The following CACNA2D4 variants were observed in gnomAD, a reference collection of about 807,000 sequenced individuals.
CACNA2D4 encodes calcium voltage-gated channel auxiliary subunit alpha2delta 4.
Under a neutral mutation model 163.8 loss-of-function variants are expected in CACNA2D4, and 157 were observed. The observed-to-expected ratio is 0.96, with a 90% CI of 0.84 to 1.09. CACNA2D4 has a LOEUF of 1.09. Among genes scored for constraint, CACNA2D4 ranks in the 50% least tolerant of loss-of-function variants. The probability of loss-of-function intolerance (pLI) is 0.00; values close to 1 mark genes in which losing one functional copy is unlikely to be tolerated. For missense variants in CACNA2D4, 1,410 were observed against 1,479.9 expected (o/e 0.95, Z 0.78); for synonymous variants, 598 against 586.9 (o/e 1.02, Z -0.27).
intron 24 of CACNA2D4, among the ~76,000 whole-genome samples, chr12:1,845,392 G>T (rs1224153511): frequency 6.8e-6 from 1 of 147,560 alleles, no homozygotes; most frequent in Non-Finnish European, 1.5e-5. Flanking sequence ...TGGGTGGGGG[G>T]GAGGAGGGGA....
At chr12:1,848,170 G>T (rs1239577313) in intron 23 of CACNA2D4, among the ~76,000 whole-genome samples, 1 of 152,182 alleles carries the variant, frequency 6.6e-6, no homozygotes, top group Non-Finnish European at 1.5e-5. Context: ...CATCACCCCG[G>T]AAAGAAACCC....
chr12:1,878,924 G>A lies in CACNA2D4; in HGVS notation c.1644+32C>T. On this transcript the variant is annotated intron_variant, in intron 15 of 37. Coordinates refer to ENST00000382722, the MANE Select transcript of CACNA2D4 (RefSeq NM_172364.5). The surrounding 1 kb of genome is among the most constrained non-coding windows in gnomAD (Gnocchi z 4.6). ...GAGGGAGTTTGCTCCTGGGGAACCT[G>A]TGATCCCCACAGGGAACAGACCCAG... 1 of 1,584,456 alleles carries A rather than the reference G, an allele frequency of 6.3e-7. No homozygotes were observed. The highest frequency in any genetic ancestry group is 8.7e-7 in the Non-Finnish European group (1 of 1,154,558).
At chr12:1,809,141 GCCCTCTTTC>G (rs1863630876) in intron 29 of CACNA2D4, among the ~76,000 whole-genome samples, 1 of 152,184 alleles carries the variant, frequency 6.6e-6, no homozygotes, top group Admixed American at 6.5e-5. Context: ...GTCCTCACTT[GCCCTCTTTC>G]CCAAGTCTCC....
intron 24 of CACNA2D4, 147 bp downstream of exon 24, chr12:1,846,447 C>T (rs1592707313): frequency 3.1e-6 from 2 of 646,234 alleles, no homozygotes; most frequent in East Asian, 5.5e-5. Flanking sequence ...TCTGTCAATC[C>T]CGATCCTTCT....
Position 1,887,052 on chromosome 12 carries a change from CA to C in CACNA2D4, c.798del (p.Asp267MetfsTer26). On this transcript the variant is annotated frameshift_variant, in exon 7 of 38. Transcript: ENST00000382722. LOFTEE classifies it high-confidence loss of function. ...FRIYPGIKWT[P>X]DENGVITFDC... ...TCAAAAGTAATGACTCCATTCTCAT[CA>C]GGTGTCCATTTTATACCTGGGAGAA... 6.3e-7 allele frequency: 1 copy of C among 1,592,320 alleles called. No homozygotes were observed. The highest frequency in any genetic ancestry group is 1.1e-5 in the South Asian group (1 of 87,762).
intron 29 of CACNA2D4, among the ~76,000 whole-genome samples, chr12:1,807,192 G>T (rs1863568135): frequency 6.6e-6 from 1 of 151,932 alleles, no homozygotes; most frequent in Non-Finnish European, 1.5e-5. Flanking sequence ...TTTGAGCTGT[G>T]AGCTGCACTG....
chr12:1,854,367 C>T (rs1462371855), intron 22 of CACNA2D4, among the ~76,000 whole-genome samples: 1 of 152,194 alleles, frequency 6.6e-6, no homozygotes, highest in Non-Finnish European at 1.5e-5. Context: ...GCTTCTTAAC[C>T]ATCCAGACAC....
chr12:1,903,124 C>G (rs568246454), intron 6 of CACNA2D4, among the ~76,000 whole-genome samples: 4 of 152,162 alleles, frequency 2.6e-5, no homozygotes, highest in African/African-American at 9.6e-5. Flanking sequence ...AGAGGACAGT[C>G]TCTTCAATAA....
At chr12:1,907,382 C>CGATTG in intron 6 of CACNA2D4, 58 bp downstream of exon 6, 2 of 287,362 alleles carry the variant, frequency 7.0e-6, no homozygotes, top group Non-Finnish European at 1.0e-5. Context: ...TTCAGTGCCC[C>CGATTG]TATTATTTCC....
chr12:1,823,643 T>C (rs1786904036), intron 26 of CACNA2D4, among the ~76,000 whole-genome samples: 1 of 151,834 alleles, frequency 6.6e-6, no homozygotes, highest in Non-Finnish European at 1.5e-5. Context: ...CAGAAAGGTT[T>C]CTAGAAAGCC....
chr12:1,846,380 T>A (rs35541108), intron 24 of CACNA2D4, among the ~76,000 whole-genome samples: 10,557 of 150,876 alleles, frequency 0.07, 539 homozygotes, highest in Non-Finnish European at 0.1. Flanking sequence ...ACTGTCCCAA[T>A]CTGTCAATCC....
chr12:1,794,377 C>T (rs2154444927), intron 37 of CACNA2D4, among the ~76,000 whole-genome samples: 1 of 152,330 alleles, frequency 6.6e-6, no homozygotes, highest in South Asian at 2.1e-4. Context: ...TCCCACCCCA[C>T]TCTCTGGACA....
rs193239383 is a variant in CACNA2D4 at position 1,833,612 on chromosome 12, G to A, written c.2551+7127C>T. On this transcript the variant is annotated intron_variant, in intron 26 of 37. Coordinates refer to ENST00000382722, the MANE Select transcript of CACNA2D4 (RefSeq NM_172364.5). This position sits in a 1 kb window ranked among gnomAD's most constrained non-coding sequence, Gnocchi z 4.2. ...ACAGGGCTGTGGTTGGGGCACCGAT[G>A]GGGCCATTGGATTGCTCCTAAGGAG... Among the ~76,000 whole-genome samples, 6 of 152,324 alleles carry A rather than the reference G, an allele frequency of 3.9e-5. No individual in the cohort carries two copies. Among genetic ancestry groups the A allele is most frequent in the African/African-American group, 1.4e-4 (6 of 41,564 alleles).
chr12:1,838,671 T>G (rs1864944867), intron 26 of CACNA2D4, among the ~76,000 whole-genome samples: 1 of 152,204 alleles, frequency 6.6e-6, no homozygotes. Flanking sequence ...TCGGCTCTAA[T>G]TCAGCTCTGA....
Position 1,834,421 on chromosome 12 carries a change from G to C in CACNA2D4, c.2551+6318C>G, listed in dbSNP as rs771449767. ...ATATTCCTGGGCCACCCTGCACCAA[G>C]GCCAGTCCAGAGCCTGCTAAGCCCA... is the stretch of plus-strand genomic sequence containing the variant. On this transcript the variant is annotated intron_variant, in intron 26 of 37. Coordinates refer to ENST00000382722, the MANE Select transcript of CACNA2D4 (RefSeq NM_172364.5). The surrounding 1 kb of genome is among the most constrained non-coding windows in gnomAD (Gnocchi z 7.6). 6 of 1,612,978 alleles carry C rather than the reference G, an allele frequency of 3.7e-6. No individual in the cohort carries two copies. Among genetic ancestry groups the C allele is most frequent in the Non-Finnish European group, 5.1e-6 (6 of 1,180,018 alleles).
In CACNA2D4 at chr12:1,891,322, C is replaced by T. The variant is rs369265979; in HGVS notation, c.782-4253G>A. 2.0e-4 allele frequency among the ~76,000 whole-genome samples: 30 copies of T among 152,292 alleles called. 1 individual carries two copies. Among genetic ancestry groups the T allele is most frequent in the Middle Eastern group, 3.4e-3 (1 of 294 alleles). ...CTGAGGAAATCACAGACACCACAGA[C>T]GCTGTTTATAGCTGAAGAAATCATA... On this transcript the variant is annotated intron_variant, in intron 6 of 37. Coordinates refer to ENST00000382722, the MANE Select transcript of CACNA2D4 (RefSeq NM_172364.5).
At chr12:1,865,195 C>G (rs1397983463) in intron 18 of CACNA2D4, among the ~76,000 whole-genome samples, 1 of 152,236 alleles carries the variant, frequency 6.6e-6, no homozygotes, top group African/African-American at 2.4e-5. Flanking sequence ...TGGCGCGTCT[C>G]TCCCTTGCTG....
chr12:1,899,520 A>G (rs1565736115), intron 6 of CACNA2D4, among the ~76,000 whole-genome samples: 2 of 152,162 alleles, frequency 1.3e-5, no homozygotes, highest in East Asian at 1.9e-4. Context: ...ATAGATTCAT[A>G]CAAATAAATT....
chr12:1,811,861 G>A, intron 26 of CACNA2D4, 138 bp from the exon 27 acceptor site: 1 of 777,338 alleles, frequency 1.3e-6, no homozygotes, highest in South Asian at 1.7e-5. Flanking sequence ...GAGTCAGAGG[G>A]CAGAGTGCAA....
Sources: gnomAD v4.1 joint callset for allele counts (sites outside exome capture counted in the v4.1 genomes callset) on GRCh38, gnomAD v4.1.1 for gene constraint, Gnocchi (gnomAD v3.1) non-coding constraint, MANE v1.5 for transcripts, NCBI Gene and HGNC (gene_info 2026-07-23, HGNC 2026-07-21) for gene names.